The following C6 variants were observed in gnomAD, a reference collection of about 807,000 sequenced individuals.
The protein encoded by C6 is complement C6.
A neutral mutation model predicts 112.9 loss-of-function variants in C6; 101 were observed. The observed-to-expected ratio is 0.89, with a 90% CI of 0.76 to 1.06. The LOEUF is 1.06. C6 is among the 50% of genes least tolerant of loss of function. The pLI is 0.00. For synonymous variants in C6, 431 were observed against 384.1 expected (o/e 1.12, Z -1.43); for missense variants, 1,202 against 1,104.6 (o/e 1.09, Z -1.25).
intron 1 of C6, among the ~76,000 whole-genome samples, chr5:41,227,298 TG>T (rs1448452502): frequency 6.6e-6 from 1 of 150,522 alleles, no homozygotes; most frequent in African/African-American, 2.4e-5. Flanking sequence ...ATTTTTTAAT[TG>T]TTTTTTTTTC....
Position 41,164,422 on chromosome 5 carries a change from A to G in C6, c.1292-2563T>C, listed in dbSNP as rs769695618. On this transcript the variant is annotated intron_variant, in intron 9 of 17. Coordinates refer to ENST00000337836, the MANE Select transcript of C6 (RefSeq NM_000065.5). ...GACCTGGAGTCAGGGCCGTTGTGCC[A>G]TGCTCTGGAGACAGCACATATAGGC... is the stretch of plus-strand genomic sequence containing the variant. 4.9e-4 allele frequency among the ~76,000 whole-genome samples: 75 copies of G among 152,178 alleles called. 1 individual carries two copies. Among genetic ancestry groups the G allele is most frequent in the Non-Finnish European group, 1.6e-4 (11 of 68,030 alleles).
chr5:41,246,797 G>A (rs1444897816), intron 1 of C6, among the ~76,000 whole-genome samples: 2 of 152,114 alleles, frequency 1.3e-5, no homozygotes, highest in Admixed American at 6.6e-5. Flanking sequence ...TACTTGATGA[G>A]GACTAAAATG....
At chr5:41,200,888 G>GTTTTTTT (rs1750967031) in intron 3 of C6, among the ~76,000 whole-genome samples, 1 of 66,828 alleles carries the variant, frequency 1.5e-5, no homozygotes, top group African/African-American at 5.6e-5. Flanking sequence ...TGTTGTTGTT[G>GTTTTTTT]TTGTTTTTTT....
intron 1 of C6, among the ~76,000 whole-genome samples, chr5:41,249,105 G>A (rs745516531): frequency 2.0e-5 from 3 of 151,950 alleles, no homozygotes; most frequent in Non-Finnish European, 4.4e-5. Context: ...CTAATCATTG[G>A]GTACTTATGT....
intron 11 of C6, among the ~76,000 whole-genome samples, chr5:41,159,888 TTAGA>T (rs1311815461): frequency 6.6e-6 from 1 of 152,186 alleles, no homozygotes; most frequent in Admixed American, 6.5e-5. Flanking sequence ...TTCATATTCC[TTAGA>T]TAGATACTGG....
intron 8 of C6, 66 bp from the exon 9 acceptor site, chr5:41,172,413 G>C: frequency 6.6e-7 from 1 of 1,509,286 alleles, no homozygotes; most frequent in Non-Finnish European, 9.2e-7. Context: ...GAGGAACATG[G>C]TGCTCTGGTC....
chr5:41,234,325 A>C (rs1216993730), intron 1 of C6, among the ~76,000 whole-genome samples: 1 of 143,638 alleles, frequency 7.0e-6, no homozygotes, highest in Non-Finnish European at 1.5e-5. Context: ...ATACTTTGTT[A>C]TTCTACCCTT....
chr5:41,176,814 C>T, intron 7 of C6, 99 bp from the exon 8 acceptor site: 1 of 1,116,722 alleles, frequency 9.0e-7, no homozygotes, highest in Middle Eastern at 2.9e-4. Flanking sequence ...TTCATTCCCA[C>T]CACAGAATTA....
intron 1 of C6, among the ~76,000 whole-genome samples, chr5:41,252,314 C>G (rs987657309): frequency 6.6e-6 from 1 of 152,170 alleles, no homozygotes; most frequent in Non-Finnish European, 1.5e-5. Flanking sequence ...GATGGCCCCC[C>G]TCCTTGGCCA....
At chr5:41,168,985 G>A (rs1275556152) in intron 9 of C6, among the ~76,000 whole-genome samples, 2 of 152,098 alleles carry the variant, frequency 1.3e-5, no homozygotes, top group South Asian at 2.1e-4. Context: ...CAGAAAACAG[G>A]CAAGGGTTCC....
rs1750867436 is a variant in C6, at chr5:41,199,754, CA to C, written c.445+13del. The C allele has an allele frequency of 6.2e-7, 1 of 1,613,202 alleles. No individual in the cohort carries two copies. Among genetic ancestry groups the C allele is most frequent in the East Asian group, 2.2e-5 (1 of 44,864 alleles). Reference sequence around the variant, plus strand: ...TTTTTAGTGGGGACTGAACATTTCACAAAAATACATTACCACTGTCACAGCG... The same window carrying C: ...TTTTTAGTGGGGACTGAACATTTCACAAAATACATTACCACTGTCACAGCG... On this transcript the variant is annotated intron_variant, in intron 4 of 17. Transcript: ENST00000337836.
chr5:41,157,919 T>C (rs778180728), intron 13 of C6, among the ~76,000 whole-genome samples: 3 of 152,160 alleles, frequency 2.0e-5, no homozygotes, highest in Non-Finnish European at 2.9e-5. Flanking sequence ...ATATGGAAGA[T>C]ACATTAGCCC....
At chr5:41,166,174 C>G (rs888026436) in intron 9 of C6, among the ~76,000 whole-genome samples, 1 of 152,078 alleles carries the variant, frequency 6.6e-6, no homozygotes, top group Non-Finnish European at 1.5e-5. Context: ...TCACATGCAG[C>G]ACCTATTAAC....
At chr5:41,213,322 T>C (rs1752059680) in intron 1 of C6, 54 bp downstream of exon 1, 10 of 781,336 alleles carry the variant, frequency 1.3e-5, no homozygotes, top group Non-Finnish European at 1.6e-5. Flanking sequence ...GTTGGAAACA[T>C]GATTAACAAT....
intron 13 of C6, among the ~76,000 whole-genome samples, chr5:41,157,140 A>G (rs1044228035): frequency 6.6e-6 from 1 of 152,216 alleles, no homozygotes; most frequent in Non-Finnish European, 1.5e-5. Context: ...CATTTGAGTA[A>G]AAACTATTGC....
intron 2 of C6, 61 bp downstream of exon 2, chr5:41,203,027 T>A: frequency 6.6e-7 from 1 of 1,524,236 alleles, no homozygotes; most frequent in South Asian, 1.1e-5. Flanking sequence ...CTCCTGATGT[T>A]GCTGACTTCA....
chr5:41,215,181 T>C (rs1752155987), upstream of C6, among the ~76,000 whole-genome samples: 1 of 152,094 alleles, frequency 6.6e-6, no homozygotes, highest in African/African-American at 2.4e-5. Context: ...CAATTGGCCA[T>C]TGTTTATGGT....
chr5:41,198,892 C>A (rs1278231825), intron 4 of C6, among the ~76,000 whole-genome samples: 1 of 152,142 alleles, frequency 6.6e-6, no homozygotes, highest in East Asian at 1.9e-4. Context: ...TACCCTCAGC[C>A]ATTCTCATTC....
At position 41,150,023 on chromosome 5, in the gene C6, T is replaced by C. The variant is rs200780814; in HGVS notation, c.2293A>G (p.Thr765Ala). The change falls in exon 16 of 18, where the codon ACT becomes GCT. Residue 765 changes from threonine to alanine, a missense_variant and splice_region_variant. Coordinates refer to ENST00000337836, the MANE Select transcript of C6 (RefSeq NM_000065.5). ...CAATGGCCTTTTAATTTTGTTAGAG[T>C]ATCTGAAACAAAAGAAAAAAGGAGA... ...ISNSLTCEKDTLTKLKGHCQL... is the reference protein window; with the variant it reads ...ISNSLTCEKDALTKLKGHCQL... 80 of 1,601,892 alleles carry C rather than the reference T, an allele frequency of 5.0e-5. No individual in the cohort carries two copies. The highest frequency in any genetic ancestry group is 6.7e-5 in the Non-Finnish European group (78 of 1,169,114).
Sources: allele counts gnomAD v4.1 joint callset (sites outside exome capture counted in the v4.1 genomes callset), GRCh38; gene constraint gnomAD v4.1.1; transcripts MANE v1.5; gene names NCBI Gene and HGNC (gene_info 2026-07-23, HGNC 2026-07-21).